LRP1B: variants seen among roughly 807,000 people sequenced by gnomAD.
LRP1B encodes the protein LDL receptor related protein 1B, also known as low-density lipoprotein receptor-related protein 1B.
A neutral mutation model predicts 556.6 loss-of-function variants in LRP1B; 217 were observed. The observed-to-expected ratio is 0.39, with a 90% CI of 0.35 to 0.44. The LOEUF is 0.44. Among genes scored for constraint, LRP1B ranks in the 20% least tolerant of loss-of-function variants. The pLI, the probability that LRP1B is intolerant of heterozygous loss-of-function variation, is 1.00. For synonymous variants in LRP1B, 2,047 were observed against 1,865.8 expected, an observed-to-expected ratio of 1.10 and a Z score of -2.50; for missense variants, 5,053 against 5,620.8, an observed-to-expected ratio of 0.90 and a Z score of 3.23.
chr2:141,240,335 T>C (rs1475826962), intron 5 of LRP1B, among the ~76,000 whole-genome samples: 1 of 151,056 alleles, frequency 6.6e-6, no homozygotes, highest in East Asian at 2.0e-4. Context: ...AGAGGATGCC[T>C]TGAAGTCTCT....
At chr2:140,641,606 T>C (rs1185295577) in intron 41 of LRP1B, among the ~76,000 whole-genome samples, 1 of 152,186 alleles carries the variant, frequency 6.6e-6, no homozygotes, top group Non-Finnish European at 1.5e-5. Flanking sequence ...TTACTAAACG[T>C]TATGCTCTGT....
At chr2:141,319,892 A>G (rs1212739835) in intron 3 of LRP1B, among the ~76,000 whole-genome samples, 1 of 152,124 alleles carries the variant, frequency 6.6e-6, no homozygotes, top group African/African-American at 2.4e-5. Context: ...AAGCAACCAG[A>G]TTTTTAACCT....
chr2:141,303,959 T>TG (rs1686490220), intron 3 of LRP1B, among the ~76,000 whole-genome samples: 1 of 152,158 alleles, frequency 6.6e-6, no homozygotes, highest in Non-Finnish European at 1.5e-5. Flanking sequence ...CCATTCTAAT[T>TG]GGGGGAAAGA....
intron 2 of LRP1B, among the ~76,000 whole-genome samples, chr2:141,543,353 C>CAA (rs199540737): frequency 6.7e-4 from 95 of 140,832 alleles, no homozygotes; most frequent in Admixed American, 1.4e-3. Flanking sequence ...ACAAAAAATA[C>CAA]AAAAAAAAAA....
At chr2:141,403,928 A>C (rs1690536271) in intron 3 of LRP1B, among the ~76,000 whole-genome samples, 1 of 152,136 alleles carries the variant, frequency 6.6e-6, no homozygotes, top group African/African-American at 2.4e-5. Context: ...CACTCACATC[A>C]TCTGGAAATA....
intron 47 of LRP1B, 101 bp downstream of exon 47, chr2:140,533,920 C>T: frequency 8.1e-7 from 1 of 1,231,574 alleles, no homozygotes; most frequent in Non-Finnish European, 1.1e-6. Context: ...ATAGATGTTA[C>T]TAGGTGTTAT....
At chr2:141,624,043 A>AAAAAAAAAAAAAAAAAAAAAAAAAAAAAG (rs1337564557) in intron 2 of LRP1B, among the ~76,000 whole-genome samples, 1 of 149,140 alleles carries the variant, frequency 6.7e-6, no homozygotes. Flanking sequence ...AAACAAAAAA[A>AAAAAAAAAAAAAAAAAAAAAAAAAAAAAG]AAAAGAAAAG....
intron 76 of LRP1B, among the ~76,000 whole-genome samples, chr2:140,351,950 T>C (rs1485881555): frequency 6.6e-6 from 1 of 152,054 alleles, no homozygotes; most frequent in African/African-American, 2.4e-5. Context: ...GTCTAAAAGG[T>C]GCTGTGCTGG....
intron 31 of LRP1B, among the ~76,000 whole-genome samples, chr2:140,820,850 T>G (rs902501428): frequency 6.6e-6 from 1 of 152,004 alleles, no homozygotes; most frequent in Non-Finnish European, 1.5e-5. Flanking sequence ...TTTATGCCTT[T>G]TATGCCTGCT....
chr2:140,874,924 C>T (rs959871504), intron 25 of LRP1B, among the ~76,000 whole-genome samples: 22 of 151,486 alleles, frequency 1.5e-4, no homozygotes, highest in Middle Eastern at 3.4e-3. Context: ...GAGGCTGAGG[C>T]GGGAGAATTG....
chr2:141,033,995 T>TA (rs1172667827), intron 11 of LRP1B, among the ~76,000 whole-genome samples: 2 of 152,170 alleles, frequency 1.3e-5, no homozygotes, highest in Non-Finnish European at 2.9e-5. Context: ...GGGGTATACT[T>TA]AAAGTAGCTG....
intron 19 of LRP1B, among the ~76,000 whole-genome samples, chr2:140,951,117 ATTAC>A (rs1695701886): frequency 6.6e-6 from 1 of 151,652 alleles, no homozygotes; most frequent in African/African-American, 2.4e-5. Flanking sequence ...GTGGAAGATT[ATTAC>A]TTAAACCTAT....
chr2:141,383,004 C>G (rs1689694891), intron 3 of LRP1B, among the ~76,000 whole-genome samples: 1 of 152,102 alleles, frequency 6.6e-6, no homozygotes, highest in South Asian at 2.1e-4. Flanking sequence ...ATCCAAAATA[C>G]AGTAGTAACT....
At chr2:141,307,577 T>C (rs778961235) in intron 3 of LRP1B, among the ~76,000 whole-genome samples, 17 of 152,168 alleles carry the variant, frequency 1.1e-4, no homozygotes, top group Admixed American at 7.2e-4. Context: ...AGCTAGTCTA[T>C]TTCTTTTCAG....
At chr2:140,568,132 A>T in intron 43 of LRP1B, among the ~76,000 whole-genome samples, 1 of 152,008 alleles carries the variant, frequency 6.6e-6, no homozygotes, top group Admixed American at 6.6e-5. Context: ...GACCCAAAGG[A>T]AAAGAAAATC....
chr2:141,910,140 C>CAAAAAA (rs3039375), intron 1 of LRP1B, among the ~76,000 whole-genome samples: 2 of 131,716 alleles, frequency 1.5e-5, no homozygotes, highest in African/African-American at 5.9e-5. Context: ...GACTCCATCT[C>CAAAAAA]AAAAAAAAAA....
intron 32 of LRP1B, among the ~76,000 whole-genome samples, chr2:140,796,888 A>G (rs111655790): frequency 2.0e-5 from 3 of 152,218 alleles, no homozygotes; most frequent in African/African-American, 7.2e-5. Flanking sequence ...ACAATATTTA[A>G]GTAAATAGAA....
chr2:141,995,297 C>T (rs1214169498), intron 1 of LRP1B, among the ~76,000 whole-genome samples: 1 of 152,114 alleles, frequency 6.6e-6, no homozygotes, highest in African/African-American at 2.4e-5. Context: ...ATTCTACTAG[C>T]TGCCAACTTC....
rs540506948 is a variant in LRP1B at position 141,481,896 on chromosome 2, T to A, written c.206-1363A>T. 7.2e-5 allele frequency among the ~76,000 whole-genome samples: 11 copies of A among 152,278 alleles called. No homozygotes were observed. The East Asian group carries it at 1.2e-3, about 16-fold the overall frequency. On this transcript the variant is annotated intron_variant, in intron 2 of 90. Transcript: ENST00000389484. Reference sequence around the variant, plus strand: ...AATGTTTGGTGTTATCATAGTTAAGTAAAAAATGTTCTCAGAAGGTAAGTT... The same window carrying A: ...AATGTTTGGTGTTATCATAGTTAAGAAAAAAATGTTCTCAGAAGGTAAGTT...
Sources: gnomAD v4.1 joint callset for allele counts (sites outside exome capture counted in the v4.1 genomes callset) on GRCh38, gnomAD v4.1.1 for gene constraint, MANE v1.5 for transcripts, NCBI Gene and HGNC (gene_info 2026-07-23, HGNC 2026-07-21) for gene names.